KCTD8: variants seen among roughly 807,000 people sequenced by gnomAD.
KCTD8 encodes the protein BTB/POZ domain-containing protein KCTD8.
In KCTD8, 27 loss-of-function variants were observed where a neutral mutation model predicts 31.5. The observed-to-expected ratio is 0.86, with a 90% CI of 0.63 to 1.18. The LOEUF is 1.18. KCTD8 is among the 50% of genes most tolerant of loss of function. The pLI, the probability that KCTD8 is intolerant of heterozygous loss-of-function variation, is 0.00. For synonymous variants in KCTD8, 290 were observed against 280.0 expected (o/e 1.04, Z -0.36); for missense variants, 658 against 647.7 (o/e 1.02, Z -0.17).
intron 1 of KCTD8, among the ~76,000 whole-genome samples, chr4:44,277,629 GT>G (rs1201155340): frequency 6.6e-6 from 1 of 151,792 alleles, no homozygotes; most frequent in Admixed American, 6.6e-5. Flanking sequence ...CTAGACCCCT[GT>G]TTTTCCTCGA....
chr4:44,277,864 A>G (rs1277964420), intron 1 of KCTD8, among the ~76,000 whole-genome samples: 1 of 151,926 alleles, frequency 6.6e-6, no homozygotes, highest in Non-Finnish European at 1.5e-5. Context: ...TGATACCAAA[A>G]TCTGGGTTCT....
chr4:44,270,163 T>C (rs1001056541), intron 1 of KCTD8, among the ~76,000 whole-genome samples: 2 of 152,022 alleles, frequency 1.3e-5, no homozygotes, highest in Non-Finnish European at 2.9e-5. Flanking sequence ...AATGATAGAC[T>C]GGATTAAGAA....
intron 1 of KCTD8, among the ~76,000 whole-genome samples, chr4:44,329,462 G>A (rs1351533022): frequency 6.6e-6 from 1 of 151,698 alleles, no homozygotes; most frequent in African/African-American, 2.4e-5. Context: ...ATTTTTTAAA[G>A]GGTCCCTCTG....
Position 44,448,216 on chromosome 4 carries a change from C to T in KCTD8, c.308G>A (p.Gly103Asp). Residue 103 changes from glycine (G) to aspartate (D), a missense_variant, in exon 1 of 2, where the codon GGC becomes GAC. By Grantham distance (94) the Gly-to-Asp change is moderately conservative (BLOSUM62 -1). Coordinates refer to ENST00000360029, the MANE Select transcript of KCTD8 (RefSeq NM_198353.3). The surrounding 1 kb of genome is among the most constrained non-coding windows in gnomAD (Gnocchi z 4.1). The part of the protein sequence containing the change: ...SRARFFIDRD[G>D]FLFRYVLDYL... ...ATCCAGCACGTACCTGAAAAGGAAG[C>T]CGTCCCGGTCGATGAAGAAGCGCGC... 3 of 1,612,196 alleles carry T rather than the reference C, an allele frequency of 1.9e-6. No homozygotes were observed. The highest frequency in any genetic ancestry group is 2.5e-6 in the Non-Finnish European group (3 of 1,179,600).
chr4:44,214,287 A>G (rs1356348676), intron 1 of KCTD8, among the ~76,000 whole-genome samples: 1 of 152,162 alleles, frequency 6.6e-6, no homozygotes, highest in Non-Finnish European at 1.5e-5. Flanking sequence ...AGGAGGATAG[A>G]GGGGGAAAAT....
intron 1 of KCTD8, among the ~76,000 whole-genome samples, chr4:44,403,554 G>A (rs1720716237): frequency 6.6e-6 from 1 of 151,878 alleles, no homozygotes; most frequent in East Asian, 1.9e-4. Context: ...CTTCCCTTTG[G>A]CTTTGCAATT....
chr4:44,365,150 A>G (rs1719597666), intron 1 of KCTD8, among the ~76,000 whole-genome samples: 1 of 152,180 alleles, frequency 6.6e-6, no homozygotes, highest in African/African-American at 2.4e-5. Context: ...AATAACATGG[A>G]AAACTGTGCA....
intron 1 of KCTD8, among the ~76,000 whole-genome samples, chr4:44,376,929 T>G (rs920901259): frequency 4.6e-5 from 7 of 152,146 alleles, no homozygotes; most frequent in Admixed American, 1.3e-4. Context: ...CTGGGTTGGT[T>G]GAGTACATGG....
intron 1 of KCTD8, among the ~76,000 whole-genome samples, chr4:44,359,280 G>GT (rs963213858): frequency 8.0e-4 from 118 of 147,472 alleles, no homozygotes; most frequent in African/African-American, 2.0e-3. Flanking sequence ...TTCTTCTAGG[G>GT]TTTTTTTTTT....
rs150006855 is a variant in KCTD8 at position 44,433,916 on chromosome 4, T to C, written c.961+13647A>G. 3.9e-4 allele frequency among the ~76,000 whole-genome samples: 59 copies of C among 151,962 alleles called. No homozygotes were observed. The East Asian group carries it at 7.2e-3, about 18-fold the overall frequency. ...CAATGTTTTCAATACCCACCAACTA[T>C]CCAAACACATTTAGTTTCCCCAATT... On this transcript the variant is annotated intron_variant, in intron 1 of 1. Coordinates refer to ENST00000360029, the MANE Select transcript of KCTD8 (RefSeq NM_198353.3).
At chr4:44,403,877 T>A (rs4695715) in intron 1 of KCTD8, among the ~76,000 whole-genome samples, 37,800 of 151,964 alleles carry the variant, frequency 0.25, 5,013 homozygotes, top group South Asian at 0.3. Flanking sequence ...TAATATTTTT[T>A]AAAAATGTTT....
chr4:44,294,615 T>C (rs917147679), intron 1 of KCTD8, among the ~76,000 whole-genome samples: 1 of 152,192 alleles, frequency 6.6e-6, no homozygotes, highest in South Asian at 2.1e-4. Context: ...ATTTTCATGA[T>C]AGCTTGTCCC....
At chr4:44,347,115 G>A (rs1432151077) in intron 1 of KCTD8, among the ~76,000 whole-genome samples, 3 of 152,182 alleles carry the variant, frequency 2.0e-5, no homozygotes, top group African/African-American at 7.2e-5. Flanking sequence ...TGTAAGAAAG[G>A]ATATAATTCC....
chr4:44,360,112 T>C (rs536684445), intron 1 of KCTD8, among the ~76,000 whole-genome samples: 2 of 152,048 alleles, frequency 1.3e-5, no homozygotes, highest in Admixed American at 6.5e-5. Flanking sequence ...AATACAAAAC[T>C]TAAATGTTGC....
chr4:44,260,972 A>G lies in KCTD8; in HGVS notation c.962-85722T>C, dbSNP rs541726022. 2.0e-5 allele frequency among the ~76,000 whole-genome samples: 3 copies of G among 152,158 alleles called. No individual in the cohort carries two copies. In the East Asian group the frequency reaches 5.8e-4, roughly 29 times the overall value. ...ACCTATTGAGTTAAAAAGATGTAAA[A>G]GATGAAAGTAACGTAATAAATGTGT... On this transcript the variant is annotated intron_variant, in intron 1 of 1. Coordinates refer to ENST00000360029, the MANE Select transcript of KCTD8 (RefSeq NM_198353.3).
intron 1 of KCTD8, among the ~76,000 whole-genome samples, chr4:44,280,001 C>T (rs562355912): frequency 1.3e-5 from 2 of 152,024 alleles, no homozygotes; most frequent in South Asian, 4.2e-4. Flanking sequence ...CAAGTTATAG[C>T]CTAAATCCTT....
chr4:44,197,944 T>A (rs945246226), intron 1 of KCTD8, among the ~76,000 whole-genome samples: 1 of 152,156 alleles, frequency 6.6e-6, no homozygotes, highest in Non-Finnish European at 1.5e-5. Context: ...GAAATAGCTA[T>A]TTGAAGAAAT....
At chr4:44,325,377 A>C in intron 1 of KCTD8, among the ~76,000 whole-genome samples, 1 of 151,978 alleles carries the variant, frequency 6.6e-6, no homozygotes. Flanking sequence ...TTAGCCCTCT[A>C]GGTTCTTGTG....
intron 1 of KCTD8, among the ~76,000 whole-genome samples, chr4:44,331,004 T>C (rs1240067088): frequency 6.6e-6 from 1 of 151,874 alleles, no homozygotes; most frequent in African/African-American, 2.4e-5. Flanking sequence ...AGATACTTTA[T>C]GAGAAGACAG....
Sources: gnomAD v4.1 joint callset for allele counts (sites outside exome capture counted in the v4.1 genomes callset) on GRCh38, gnomAD v4.1.1 for gene constraint, Gnocchi (gnomAD v3.1) non-coding constraint, MANE v1.5 for transcripts, NCBI Gene and HGNC (gene_info 2026-07-23, HGNC 2026-07-21) for gene names.